Variants in NCOA2 observed in about 807,000 individuals in gnomAD.
NCOA2 encodes the protein nuclear receptor coactivator 2, also known as class E basic helix-loop-helix protein 75.
NCOA2 carries 21 observed loss-of-function variants against 145.1 expected under a neutral mutation model. The observed-to-expected ratio is 0.14, with a 90% CI of 0.10 to 0.21. The LOEUF (loss-of-function observed/expected upper bound fraction) is 0.21, where lower values mean the gene tolerates loss of function less well. Among genes scored for constraint, NCOA2 ranks in the 10% least tolerant of loss-of-function variants. The probability of loss-of-function intolerance (pLI) is 1.00; values close to 1 mark genes in which losing one functional copy is unlikely to be tolerated. For synonymous variants in NCOA2, 619 were observed against 637.5 expected, an observed-to-expected ratio of 0.97 and a Z score of 0.44; for missense variants, 1,472 against 1,837.6, an observed-to-expected ratio of 0.80 and a Z score of 3.64.
At chr8:70,411,488 T>C in the NCOA2 span, among the ~76,000 whole-genome samples, 1 of 152,160 alleles carries the variant, frequency 6.6e-6, no homozygotes, top group Admixed American at 6.5e-5. Flanking sequence ...AAATGAAAAT[T>C]TGGCATGTAA....
At chr8:70,139,871 T>A (rs993080624) in intron 14 of NCOA2, among the ~76,000 whole-genome samples, 5 of 152,014 alleles carry the variant, frequency 3.3e-5, no homozygotes, top group African/African-American at 1.2e-4. Context: ...CAGGCTGGTC[T>A]CAAACTCCTG....
chr8:70,113,640 A>G lies in NCOA2; in HGVS notation c.4387T>C (p.Tyr1463His). ...AACTGGCTTCAGCAGTGTCAGCAAT[A>G]TTTCTGTAGGAAAACAGATAAAAAG... ...IKQEGDTTRKYC is the reference protein window; with the variant it reads ...IKQEGDTTRKHC The change falls in exon 23 of 23, where the codon TAT becomes CAT. Residue 1463 changes from tyrosine to histidine, a missense_variant. By Grantham distance (83) the Tyr-to-His change is moderately conservative (BLOSUM62 2). This residue lies in a region of NCOA2 where 232 missense variants were observed against 290.6 expected (regional missense o/e 0.80). Transcript: ENST00000452400. 6.4e-7 allele frequency: 1 copy of G among 1,551,938 alleles called. No homozygotes were observed. The highest frequency in any genetic ancestry group is 8.7e-7 in the Non-Finnish European group (1 of 1,147,076).
chr8:70,133,976 T>G (rs560783936), intron 15 of NCOA2, among the ~76,000 whole-genome samples: 1 of 152,314 alleles, frequency 6.6e-6, no homozygotes, highest in South Asian at 2.1e-4. Context: ...ACTTCCTCAC[T>G]GCAGGAGCTC....
intron 1 of NCOA2, among the ~76,000 whole-genome samples, chr8:70,366,717 T>C (rs1810723028): frequency 1.3e-5 from 2 of 150,446 alleles, no homozygotes; most frequent in African/African-American, 4.9e-5. Context: ...AAAACCATTG[T>C]ATAAAATTAA....
intron 1 of NCOA2, among the ~76,000 whole-genome samples, chr8:70,325,027 A>G (rs878959305): frequency 6.6e-6 from 1 of 152,192 alleles, no homozygotes; most frequent in Admixed American, 6.5e-5. Flanking sequence ...TGTTTTTACT[A>G]TCCATATCTT....
chr8:70,309,476 T>C (rs1828141812), intron 1 of NCOA2, among the ~76,000 whole-genome samples: 1 of 151,734 alleles, frequency 6.6e-6, no homozygotes, highest in Non-Finnish European at 1.5e-5. Flanking sequence ...AATTAATTCA[T>C]TTACCCAACA....
At chr8:70,355,129 T>A (rs1809569340) in intron 1 of NCOA2, among the ~76,000 whole-genome samples, 1 of 152,232 alleles carries the variant, frequency 6.6e-6, no homozygotes, top group South Asian at 2.1e-4. Flanking sequence ...TTATCAATTG[T>A]ACTTCTATCT....
chr8:70,369,292 G>A lies in NCOA2; in HGVS notation c.-77+34408C>T, dbSNP rs116496997. Among the ~76,000 whole-genome samples, 348 of 152,278 alleles carry A rather than the reference G, an allele frequency of 2.3e-3. 3 individuals are homozygous for A. Among genetic ancestry groups the A allele is most frequent in the African/African-American group, 7.9e-3 (329 of 41,566 alleles). On this transcript the variant is annotated intron_variant, in intron 1 of 22. Transcript: ENST00000452400. ...AGATGTCCATTTAAGGAAGGCTGTAGTACAATTGGTTCTTTTATAAAATTG... is the reference window on the plus strand; with the variant it reads ...AGATGTCCATTTAAGGAAGGCTGTAATACAATTGGTTCTTTTATAAAATTG...
intron 12 of NCOA2, among the ~76,000 whole-genome samples, chr8:70,147,129 T>TGCGCGCGCGCGC (rs1204637930): frequency 1.3e-5 from 2 of 148,776 alleles, no homozygotes; most frequent in African/African-American, 5.1e-5. Flanking sequence ...CGCGCGCGCG[T>TGCGCGCGCGCGC]GTGTGTGTGT....
chr8:70,118,230 T>C (rs1807366846), intron 22 of NCOA2, among the ~76,000 whole-genome samples: 1 of 152,204 alleles, frequency 6.6e-6, no homozygotes, highest in South Asian at 2.1e-4. Flanking sequence ...CATAGAGATA[T>C]GATACGCTCA....
At chr8:70,340,864 G>C (rs898768317) in intron 1 of NCOA2, among the ~76,000 whole-genome samples, 1 of 152,114 alleles carries the variant, frequency 6.6e-6, no homozygotes, top group African/African-American at 2.4e-5. Context: ...TTACTTGTAA[G>C]TGGGAGTTGA....
the NCOA2 span, among the ~76,000 whole-genome samples, chr8:70,446,003 T>TA: frequency 1.0e-3 from 154 of 152,126 alleles, 4 homozygotes; most frequent in Admixed American, 8.3e-3. Context: ...TTATACCCTA[T>TA]ACTATGGGTT....
rs1313654427 is a variant in NCOA2 at position 70,150,748 on chromosome 8, T to C, written c.2395-2265A>G. Among the ~76,000 whole-genome samples, 6 of 152,326 alleles carry C rather than the reference T, an allele frequency of 3.9e-5. No homozygotes were observed. In the East Asian group the frequency reaches 7.7e-4, roughly 20 times the overall value. On this transcript the variant is annotated intron_variant, in intron 11 of 22. Coordinates refer to ENST00000452400, the MANE Select transcript of NCOA2 (RefSeq NM_006540.4). ...CTGTTATTCTCAGTATAAACATAGA[T>C]TGTCCTCCAAGGACAGTGCCTAGAA... is the stretch of plus-strand genomic sequence containing the variant.
intron 1 of NCOA2, among the ~76,000 whole-genome samples, chr8:70,364,474 G>GC (rs1810497088): frequency 6.6e-6 from 1 of 152,166 alleles, no homozygotes; most frequent in Non-Finnish European, 1.5e-5. Flanking sequence ...ACTGAAAACA[G>GC]CAAGAAACAG....
intron 2 of NCOA2, chr8:70,273,643 A>G (rs1345114068): frequency 1.5e-5 from 11 of 724,198 alleles, no homozygotes; most frequent in Non-Finnish European, 2.5e-5. Flanking sequence ...ATACTGAGAC[A>G]AAGCAGCTGA....
chr8:70,127,668 C>A (rs554934998), intron 18 of NCOA2, among the ~76,000 whole-genome samples: 1 of 152,286 alleles, frequency 6.6e-6, no homozygotes, highest in African/African-American at 2.4e-5. Flanking sequence ...TTATGAATTC[C>A]ACATTTCTGA....
At chr8:70,247,882 G>C (rs1195961951) in intron 2 of NCOA2, among the ~76,000 whole-genome samples, 1 of 152,186 alleles carries the variant, frequency 6.6e-6, no homozygotes, top group African/African-American at 2.4e-5. Context: ...TCTTGATCCA[G>C]ATTCTGTGCT....
chr8:70,248,984 T>C (rs949222277), intron 2 of NCOA2, among the ~76,000 whole-genome samples: 1 of 152,126 alleles, frequency 6.6e-6, no homozygotes, highest in Non-Finnish European at 1.5e-5. Context: ...ATGAACAGAA[T>C]TCTGACGTGG....
At chr8:70,178,747 T>C (rs926167758) in intron 4 of NCOA2, among the ~76,000 whole-genome samples, 5 of 152,202 alleles carry the variant, frequency 3.3e-5, no homozygotes, top group African/African-American at 1.2e-4. Context: ...TATTTCACAT[T>C]TGTTGTAACC....
Sources: gnomAD v4.1 joint callset for allele counts (sites outside exome capture counted in the v4.1 genomes callset) on GRCh38, gnomAD v4.1.1 for gene constraint, gnomAD v4.1.1 regional missense constraint, MANE v1.5 for transcripts, NCBI Gene and HGNC (gene_info 2026-07-23, HGNC 2026-07-21) for gene names.